Variants in ANK1 observed in about 807,000 individuals in gnomAD.
The protein encoded by ANK1 is ankyrin 1.
ANK1 carries 51 observed loss-of-function variants against 210.4 expected under a neutral mutation model. That is an observed-to-expected ratio of 0.24 (90% CI 0.19 to 0.31). The LOEUF (loss-of-function observed/expected upper bound fraction) is 0.31, where lower values mean the gene tolerates loss of function less well. Among genes scored for constraint, ANK1 ranks in the 10% least tolerant of loss-of-function variants. ANK1 has a pLI of 1.00. For missense variants in ANK1, 2,051 were observed against 2,504.4 expected (o/e 0.82, Z 3.86); for synonymous variants, 967 against 1,025.9 (o/e 0.94, Z 1.10).
At chr8:41,675,669 C>T (rs1477845279) in intron 37 of ANK1, among the ~76,000 whole-genome samples, 1 of 152,122 alleles carries the variant, frequency 6.6e-6, no homozygotes, top group Non-Finnish European at 1.5e-5. Flanking sequence ...TGTGTACCCC[C>T]ATGAAGCCAT....
intron 1 of ANK1, among the ~76,000 whole-genome samples, chr8:41,773,597 G>A (rs151001223): frequency 5.0e-4 from 76 of 152,256 alleles, no homozygotes; most frequent in African/African-American, 1.5e-3. Context: ...TTTGCACACC[G>A]GGTCTCTTTT....
In ANK1 at chr8:41,888,087, C is replaced by T. The variant is rs550822544; in HGVS notation, c.126+8268G>A. 1.2e-4 allele frequency among the ~76,000 whole-genome samples: 18 copies of T among 152,350 alleles called. No homozygotes were observed. In the South Asian group the frequency reaches 3.7e-3, roughly 32 times the overall value. On this transcript the variant is annotated intron_variant, in intron 1 of 42. Coordinates refer to the ANK1 transcript ENST00000265709. Reference sequence around the variant, plus strand: ...ACAGACTTGAGCTGACTGCCAGCTCCTCCCACTGCAAGCCCCGCAGCTGCC... The same window carrying T: ...ACAGACTTGAGCTGACTGCCAGCTCTTCCCACTGCAAGCCCCGCAGCTGCC...
chr8:41,689,613 A>G (rs1269762918), intron 33 of ANK1, among the ~76,000 whole-genome samples: 1 of 152,142 alleles, frequency 6.6e-6, no homozygotes. Flanking sequence ...CGGTCTGGAG[A>G]CGTATGATCC....
At chr8:41,733,871 G>C in intron 3 of ANK1, 100 bp downstream of exon 3, 3 of 964,648 alleles carry the variant, frequency 3.1e-6, no homozygotes, top group Non-Finnish European at 5.1e-6. Context: ...GAGAAATTCA[G>C]ATGCATGCCT....
chr8:41,772,295 C>T (rs543395229), intron 1 of ANK1, among the ~76,000 whole-genome samples: 1 of 152,332 alleles, frequency 6.6e-6, no homozygotes, highest in East Asian at 1.9e-4. Flanking sequence ...CTTTTCTGAG[C>T]ATTGATTTCT....
chr8:41,686,074 T>C, intron 36 of ANK1, 78 bp downstream of exon 36: 1 of 1,605,990 alleles, frequency 6.2e-7, no homozygotes, highest in Admixed American at 1.7e-5. Context: ...GCCAGTGTCA[T>C]GAATGGAATT....
In ANK1 at chr8:41,661,824, C is replaced by T. The variant is rs568437514; in HGVS notation, c.5544+52G>A. 4 of 1,614,066 alleles carry T rather than the reference C, an allele frequency of 2.5e-6. No individual in the cohort carries two copies. In the East Asian group the frequency reaches 6.7e-5, roughly 27 times the overall value. Reference sequence around the variant, plus strand: ...ACCTTGGAGTGTTTCATAAAGTAATCAATATCGACCTCCAGCTCACTGGGA... The same window carrying T: ...ACCTTGGAGTGTTTCATAAAGTAATTAATATCGACCTCCAGCTCACTGGGA... On this transcript the variant is annotated intron_variant, in intron 41 of 42. Transcript: ENST00000289734.
chr8:41,749,169 T>C (rs1180484080), intron 2 of ANK1, among the ~76,000 whole-genome samples: 1 of 152,236 alleles, frequency 6.6e-6, no homozygotes, highest in Non-Finnish European at 1.5e-5. Flanking sequence ...TCTGAGTTCT[T>C]TGAAAACAGG....
At chr8:41,892,843 T>C (rs370246099) in intron 1 of ANK1, among the ~76,000 whole-genome samples, 1 of 152,264 alleles carries the variant, frequency 6.6e-6, no homozygotes, top group East Asian at 1.9e-4. Flanking sequence ...GCCGCTTGAG[T>C]CAGGTACTGA....
intron 1 of ANK1, among the ~76,000 whole-genome samples, chr8:41,880,508 C>G (rs2150831058): frequency 6.6e-6 from 1 of 152,308 alleles, no homozygotes; most frequent in African/African-American, 2.4e-5. Context: ...TCTCAGTTTC[C>G]TCATTTGCAG....
intron 14 of ANK1, 74 bp downstream of exon 14, chr8:41,715,578 G>A (rs772519538): frequency 3.8e-5 from 60 of 1,565,280 alleles, no homozygotes; most frequent in Non-Finnish European, 5.1e-5. Context: ...AACCAGGCAG[G>A]AATTCCCCTC....
At chr8:41,760,584 G>A (rs1840166588) in intron 1 of ANK1, among the ~76,000 whole-genome samples, 1 of 152,154 alleles carries the variant, frequency 6.6e-6, no homozygotes, top group African/African-American at 2.4e-5. Flanking sequence ...CCAGTCCTCA[G>A]GCATTGGAGT....
At chr8:41,800,058 C>T (rs1384285755), upstream of ANK1, among the ~76,000 whole-genome samples, 23 of 152,152 alleles carry the variant, frequency 1.5e-4, no homozygotes, top group Admixed American at 1.5e-3. Flanking sequence ...TCCCTCGAGT[C>T]TCTGAAAGGG....
intron 35 of ANK1, among the ~76,000 whole-genome samples, chr8:41,686,517 T>A (rs1012112814): frequency 1.3e-5 from 2 of 152,192 alleles, no homozygotes; most frequent in Admixed American, 1.3e-4. Context: ...GAGGGGTGTT[T>A]GTTAAATAGG....
chr8:41,800,420 G>A (rs908203316), upstream of ANK1, among the ~76,000 whole-genome samples: 1 of 152,196 alleles, frequency 6.6e-6, no homozygotes, highest in Non-Finnish European at 1.5e-5. Context: ...TCTAGGGTCT[G>A]GAGGCCATGT....
At chr8:41,721,048 A>T (rs1829118749) in intron 9 of ANK1, among the ~76,000 whole-genome samples, 1 of 152,206 alleles carries the variant, frequency 6.6e-6, no homozygotes, top group South Asian at 2.1e-4. Context: ...TGTTAGTGTT[A>T]CAGGCTGAAT....
At chr8:41,869,769 G>C (rs776949041) in intron 1 of ANK1, among the ~76,000 whole-genome samples, 3 of 152,170 alleles carry the variant, frequency 2.0e-5, no homozygotes, top group Non-Finnish European at 4.4e-5. Flanking sequence ...GCTGACACCA[G>C]ACTGCAATTT....
At position 41,803,093 on chromosome 8, in the gene ANK1, GGAAAGGA is replaced by G. The variant is rs1563811349; in HGVS notation, c.127-44963_127-44957del. ...GAAGGAAGGAAGGAAGGGAAGGAAA[GGAAAGGA>G]AAGGAAAGGAAAGGAAAGGAAAGGA... is the stretch of plus-strand genomic sequence containing the variant. On this transcript the variant is annotated intron_variant, in intron 1 of 42. Coordinates refer to the ANK1 transcript ENST00000265709. Among the ~76,000 whole-genome samples, 797 of 100,518 alleles carry G rather than the reference GGAAAGGA, an allele frequency of 7.9e-3. 22 individuals are homozygous for G. The highest frequency in any genetic ancestry group is 0.028 in the African/African-American group (754 of 26,540). The allele number at this position is 100,518 out of a possible 152,430, so 65.9% of individuals were successfully genotyped here.
intron 26 of ANK1, 129 bp downstream of exon 26, chr8:41,696,234 C>A: frequency 9.7e-7 from 1 of 1,035,104 alleles, no homozygotes; most frequent in Non-Finnish European, 1.5e-6. Flanking sequence ...TGGACACCTT[C>A]GTGTGTCAGG....
Sources: gnomAD v4.1 joint callset for allele counts (sites outside exome capture counted in the v4.1 genomes callset) on GRCh38, gnomAD v4.1.1 for gene constraint, MANE v1.5 for transcripts, NCBI Gene and HGNC (gene_info 2026-07-23, HGNC 2026-07-21) for gene names.